The following CBLN2 variants were observed in gnomAD, a reference collection of about 807,000 sequenced individuals.
CBLN2 encodes the protein cerebellin-2.
Under a neutral mutation model 15.0 loss-of-function variants are expected in CBLN2, and 7 were observed. The observed-to-expected ratio is 0.47, with a 90% CI of 0.27 to 0.88. The LOEUF (loss-of-function observed/expected upper bound fraction) is 0.88. Among genes scored for constraint, CBLN2 ranks in the 40% least tolerant of loss-of-function variants. CBLN2 has a pLI of 0.14. For missense variants in CBLN2, 242 were observed against 304.5 expected, an observed-to-expected ratio of 0.79 and a Z score of 1.53; for synonymous variants, 149 against 135.2, an observed-to-expected ratio of 1.10 and a Z score of -0.71.
chr18:72,607,350 G>A (rs542915364), intron 1 of CBLN2, among the ~76,000 whole-genome samples: 1 of 152,312 alleles, frequency 6.6e-6, no homozygotes, highest in East Asian at 1.9e-4. Flanking sequence ...TAGCACCTGG[G>A]AAGGCATATC....
chr18:72,576,038 A>G (rs971773831), intron 1 of CBLN2, among the ~76,000 whole-genome samples: 6 of 152,224 alleles, frequency 3.9e-5, no homozygotes, highest in African/African-American at 1.4e-4. Context: ...TTTACTGAGA[A>G]TATACTATAA....
intron 1 of CBLN2, among the ~76,000 whole-genome samples, chr18:72,579,625 G>T (rs187247029): frequency 9.9e-5 from 15 of 152,156 alleles, no homozygotes; most frequent in Admixed American, 9.8e-4. Context: ...CCAGCTACTT[G>T]GGAGGCTGAG....
chr18:72,548,204 C>T (rs2069170633), upstream of CBLN2, among the ~76,000 whole-genome samples: 1 of 152,212 alleles, frequency 6.6e-6, no homozygotes, highest in African/African-American at 2.4e-5. Flanking sequence ...CCTTAGGGAT[C>T]TGCCATCAGA....
chr18:72,615,184 TTA>T (rs962096022), intron 1 of CBLN2, among the ~76,000 whole-genome samples: 2 of 133,236 alleles, frequency 1.5e-5, no homozygotes, highest in Non-Finnish European at 1.6e-5. Context: ...TATTTATATA[TTA>T]TATATAAATA....
chr18:72,548,786 G>A (rs2069174033), upstream of CBLN2, among the ~76,000 whole-genome samples: 1 of 152,118 alleles, frequency 6.6e-6, no homozygotes, highest in East Asian at 1.9e-4. Context: ...GGCATCCTCT[G>A]CATACTCTGT....
chr18:72,565,542 T>C (rs2069288913), intron 1 of CBLN2, among the ~76,000 whole-genome samples: 1 of 152,178 alleles, frequency 6.6e-6, no homozygotes, highest in African/African-American at 2.4e-5. Flanking sequence ...AGAATATTTG[T>C]ATGCAACCGA....
intron 1 of CBLN2, among the ~76,000 whole-genome samples, chr18:72,612,829 G>T (rs2069631433): frequency 6.6e-6 from 1 of 152,144 alleles, no homozygotes; most frequent in Non-Finnish European, 1.5e-5. Flanking sequence ...CCAGAACCCA[G>T]CTCCCAGCTG....
intron 3 of CBLN2, among the ~76,000 whole-genome samples, chr18:72,540,798 C>A (rs1173439276): frequency 6.6e-6 from 1 of 152,054 alleles, no homozygotes; most frequent in African/African-American, 2.4e-5. Flanking sequence ...TTAAGAGTTG[C>A]CTAACAGACC....
chr18:72,577,118 A>T (rs2069373358), intron 1 of CBLN2, among the ~76,000 whole-genome samples: 1 of 149,690 alleles, frequency 6.7e-6, no homozygotes. Context: ...AAGAATGTTG[A>T]TGGCCATAGA....
At position 72,543,285 on chromosome 18, in the gene CBLN2, A is replaced by G. The variant is rs1296938327; in HGVS notation, c.-167+201T>C. 2 of 372,734 alleles carry G rather than the reference A, an allele frequency of 5.4e-6. No individual in the cohort carries two copies. Among genetic ancestry groups the G allele is most frequent in the African/African-American group, 2.1e-5 (1 of 47,852 alleles). The allele number at this position is 372,734 out of a possible 1,614,324, so 23.1% of individuals were successfully genotyped here. ...GCCCCCTCGCCGCCCACAGCCTCCC[A>G]TTAACTCTTCCAGTATTCTTTCTAA... On this transcript the variant is annotated intron_variant, in intron 2 of 4. Transcript: ENST00000269503. This position sits in a 1 kb window ranked among gnomAD's most constrained non-coding sequence, Gnocchi z 6.8.
At chr18:72,631,554 C>G (rs1381534766) in intron 1 of CBLN2, among the ~76,000 whole-genome samples, 1 of 152,078 alleles carries the variant, frequency 6.6e-6, no homozygotes, top group Non-Finnish European at 1.5e-5. Flanking sequence ...CATGGGGTGA[C>G]TCTTTATCTC....
At chr18:72,624,809 T>C (rs2069724227) in intron 1 of CBLN2, among the ~76,000 whole-genome samples, 1 of 152,236 alleles carries the variant, frequency 6.6e-6, no homozygotes, top group African/African-American at 2.4e-5. Flanking sequence ...CAATGCACCT[T>C]GCAATTTCTT....
intron 1 of CBLN2, among the ~76,000 whole-genome samples, chr18:72,624,051 T>C (rs953300938): frequency 6.6e-5 from 10 of 152,154 alleles, no homozygotes; most frequent in African/African-American, 2.4e-4. Context: ...AGTGATTATT[T>C]CTTAAACTCT....
chr18:72,570,307 G>A (rs1389391001), intron 1 of CBLN2, among the ~76,000 whole-genome samples: 3 of 140,590 alleles, frequency 2.1e-5, no homozygotes, highest in South Asian at 2.2e-4. Context: ...TTTTTCCCGC[G>A]GCTTACTGCA....
At chr18:72,597,006 AC>A (rs1262742428) in intron 1 of CBLN2, among the ~76,000 whole-genome samples, 1 of 151,968 alleles carries the variant, frequency 6.6e-6, no homozygotes, top group African/African-American at 2.4e-5. Flanking sequence ...TAAATTTTCT[AC>A]CCCTATCTTT....
At chr18:72,626,998 G>A (rs1441853815) in intron 1 of CBLN2, among the ~76,000 whole-genome samples, 2 of 152,198 alleles carry the variant, frequency 1.3e-5, no homozygotes, top group East Asian at 1.9e-4. Flanking sequence ...ACTCTTTCAT[G>A]TTGGCTTTCC....
chr18:72,604,546 C>T (rs1049409794), intron 1 of CBLN2, among the ~76,000 whole-genome samples: 24 of 152,124 alleles, frequency 1.6e-4, no homozygotes, highest in Admixed American at 1.4e-3. Context: ...CTCCAAAACT[C>T]GTGTTGAAAT....
intron 1 of CBLN2, among the ~76,000 whole-genome samples, chr18:72,576,264 T>C (rs1416951583): frequency 2.0e-5 from 3 of 152,294 alleles, no homozygotes; most frequent in African/African-American, 7.2e-5. Flanking sequence ...TAACAGACTA[T>C]GTAGAAGAGT....
At chr18:72,563,933 C>T (rs1036430271) in intron 1 of CBLN2, among the ~76,000 whole-genome samples, 6 of 152,236 alleles carry the variant, frequency 3.9e-5, no homozygotes, top group Non-Finnish European at 7.3e-5. Context: ...GCATTTCTGA[C>T]ATTCTATGAA....
Sources: allele counts gnomAD v4.1 joint callset (sites outside exome capture counted in the v4.1 genomes callset), GRCh38; gene constraint gnomAD v4.1.1; non-coding constraint Gnocchi (gnomAD v3.1); transcripts MANE v1.5; gene names NCBI Gene and HGNC (gene_info 2026-07-23, HGNC 2026-07-21).